SRBD1: variants seen among roughly 807,000 people sequenced by gnomAD.
SRBD1 encodes the protein S1 RNA binding domain 1.
In SRBD1, 88 loss-of-function variants were observed where a neutral mutation model predicts 115.3. The ratio of observed to expected loss-of-function variants is 0.76; its 90% CI spans 0.64 to 0.91. The LOEUF (loss-of-function observed/expected upper bound fraction) is 0.91, where lower values mean the gene tolerates loss of function less well. Among genes scored for constraint, SRBD1 ranks in the 40% least tolerant of loss-of-function variants. SRBD1 has a pLI of 0.00. For missense variants in SRBD1, 1,385 were observed against 1,177.4 expected, an observed-to-expected ratio of 1.18 and a Z score of -2.58; for synonymous variants, 509 against 407.7, an observed-to-expected ratio of 1.25 and a Z score of -2.99.
At chr2:45,440,856 C>T (rs894339722) in intron 16 of SRBD1, among the ~76,000 whole-genome samples, 2 of 152,024 alleles carry the variant, frequency 1.3e-5, no homozygotes, top group African/African-American at 4.8e-5. Flanking sequence ...AGGCATCCTC[C>T]TGGTGTTCAG....
rs557965215 is a variant in SRBD1, at chr2:45,420,511, C to A, written c.2050-617G>T. On this transcript the variant is annotated intron_variant, in intron 16 of 20. Coordinates refer to ENST00000263736, the MANE Select transcript of SRBD1 (RefSeq NM_018079.5). ...AACCATGACACATGCTTTCTTACTGCTTACATTTTTTATTTATTTGTTAAA... is the reference window on the plus strand; with the variant it reads ...AACCATGACACATGCTTTCTTACTGATTACATTTTTTATTTATTTGTTAAA... Among the ~76,000 whole-genome samples the A allele has an allele frequency of 2.6e-5, 4 of 152,268 alleles. No individual in the cohort carries two copies. The East Asian group carries it at 7.7e-4, about 29-fold the overall frequency.
chr2:45,426,848 C>T (rs1045869288), intron 16 of SRBD1, among the ~76,000 whole-genome samples: 2 of 152,134 alleles, frequency 1.3e-5, no homozygotes, highest in African/African-American at 4.8e-5. Flanking sequence ...CCGAAGGTCA[C>T]CAACATCAAA....
In SRBD1 at chr2:45,585,757, A is replaced by C. The variant is rs1673501031; in HGVS notation, c.666T>G (p.Thr222=). The part of the protein sequence containing the change: ...WDMVQVLSER[T]NIEPWVCANI... ...TGGCACAAACCCAAGGTTCAATATT[A>C]GTTCTCTCAGATAAAACCTGCAAAT... Residue 222 remains threonine, a synonymous_variant, in exon 5 of 21, where the codon ACT becomes ACG. Transcript: ENST00000263736. The C allele has an allele frequency of 1.3e-6, 2 of 1,598,466 alleles. No individual in the cohort carries two copies. Among genetic ancestry groups the C allele is most frequent in the Non-Finnish European group, 1.7e-6 (2 of 1,176,326 alleles).
intron 1 of SRBD1, among the ~76,000 whole-genome samples, chr2:45,610,163 TAATTTGGAG>T (rs1674400102): frequency 6.6e-6 from 1 of 152,092 alleles, no homozygotes. Context: ...TCCAAACCAA[TAATTTGGAG>T]GTTGCTATGA....
chr2:45,453,346 T>G lies in SRBD1; in HGVS notation c.2049+23647A>C, dbSNP rs1470277976. ...AGAATGCTTGTCAATCATGACAGAC[T>G]CCTTGGTGGCCCCTCCAGAGTTAAG... On this transcript the variant is annotated intron_variant, in intron 16 of 20. Coordinates refer to ENST00000263736, the MANE Select transcript of SRBD1 (RefSeq NM_018079.5). Among the ~76,000 whole-genome samples, 3 of 151,764 alleles carry G rather than the reference T, an allele frequency of 2.0e-5. No homozygotes were observed. The East Asian group carries it at 5.8e-4, about 29-fold the overall frequency.
chr2:45,578,002 T>A (rs1160331463), intron 7 of SRBD1, among the ~76,000 whole-genome samples: 1 of 152,122 alleles, frequency 6.6e-6, no homozygotes, highest in Non-Finnish European at 1.5e-5. Flanking sequence ...TCACCAAGTG[T>A]CCATTGTCAT....
At chr2:45,462,909 C>T (rs558713817) in intron 16 of SRBD1, among the ~76,000 whole-genome samples, 4 of 149,458 alleles carry the variant, frequency 2.7e-5, no homozygotes, top group Admixed American at 6.7e-5. Context: ...TTGTTCAAAA[C>T]GACAACACAT....
chr2:45,572,822 TA>T (rs1326653645), intron 9 of SRBD1, among the ~76,000 whole-genome samples: 9 of 152,114 alleles, frequency 5.9e-5, no homozygotes, highest in Non-Finnish European at 1.0e-4. Flanking sequence ...CTGATTTATA[TA>T]AGTAAATGAG....
At chr2:45,543,427 C>CA (rs1405320454) in intron 14 of SRBD1, among the ~76,000 whole-genome samples, 1 of 152,080 alleles carries the variant, frequency 6.6e-6, no homozygotes, top group Non-Finnish European at 1.5e-5. Flanking sequence ...CATGTCAGGG[C>CA]AAAGAGTGTT....
At chr2:45,521,803 C>T (rs746944539) in intron 14 of SRBD1, among the ~76,000 whole-genome samples, 7 of 151,842 alleles carry the variant, frequency 4.6e-5, no homozygotes, top group Non-Finnish European at 1.0e-4. Context: ...CCTGTCTCCA[C>T]AAAACAATTT....
At position 45,407,163 on chromosome 2, in the gene SRBD1, A is replaced by G. The variant is rs115425426; in HGVS notation, c.2513+5951T>C. On this transcript the variant is annotated intron_variant, in intron 19 of 20. Coordinates refer to ENST00000263736, the MANE Select transcript of SRBD1 (RefSeq NM_018079.5). ...CTGAAGAAGTGGGAATAATAATAGTACCAACCTCACAGGGTTGCTGTGTGA... is the reference window on the plus strand; with the variant it reads ...CTGAAGAAGTGGGAATAATAATAGTGCCAACCTCACAGGGTTGCTGTGTGA... Among the ~76,000 whole-genome samples, 563 of 152,278 alleles carry G rather than the reference A, an allele frequency of 3.7e-3. 10 individuals are homozygous for G. Among genetic ancestry groups the G allele is most frequent in the African/African-American group, 0.013 (537 of 41,558 alleles).
At chr2:45,608,345 C>T (rs1235496334) in intron 1 of SRBD1, among the ~76,000 whole-genome samples, 1 of 152,108 alleles carries the variant, frequency 6.6e-6, no homozygotes, top group Admixed American at 6.5e-5. Context: ...ACACACAAGC[C>T]AATTTCAAGC....
At chr2:45,550,820 T>C (rs1191407953) in intron 12 of SRBD1, among the ~76,000 whole-genome samples, 1 of 152,190 alleles carries the variant, frequency 6.6e-6, no homozygotes, top group African/African-American at 2.4e-5. Context: ...GCATCATATA[T>C]AAATGCATCA....
intron 16 of SRBD1, among the ~76,000 whole-genome samples, chr2:45,457,445 C>T (rs530882566): frequency 6.6e-6 from 1 of 152,018 alleles, no homozygotes; most frequent in East Asian, 1.9e-4. Flanking sequence ...AGAATACATG[C>T]ACAGCTGTGC....
At chr2:45,482,645 CAAACCCAT>C (rs1670001810) in intron 15 of SRBD1, among the ~76,000 whole-genome samples, 1 of 141,824 alleles carries the variant, frequency 7.1e-6, no homozygotes. Context: ...CACACACACA[CAAACCCAT>C]GAATAATAAA....
At chr2:45,589,467 G>C (rs1673645806) in intron 4 of SRBD1, among the ~76,000 whole-genome samples, 1 of 152,204 alleles carries the variant, frequency 6.6e-6, no homozygotes, top group African/African-American at 2.4e-5. Context: ...CTGAAAGACA[G>C]AGATGACAGG....
At chr2:45,553,936 T>C (rs755807835) in intron 10 of SRBD1, among the ~76,000 whole-genome samples, 8 of 152,308 alleles carry the variant, frequency 5.3e-5, no homozygotes, top group South Asian at 2.1e-4. Flanking sequence ...CTAGTAACTA[T>C]CTATGGTCAG....
intron 14 of SRBD1, among the ~76,000 whole-genome samples, chr2:45,499,369 A>G (rs1670556705): frequency 6.6e-6 from 1 of 152,012 alleles, no homozygotes; most frequent in African/African-American, 2.4e-5. Context: ...TTTGCTATTG[A>G]GCTGTTTCAC....
chr2:45,414,404 C>T (rs1385767237), intron 18 of SRBD1, among the ~76,000 whole-genome samples: 1 of 148,594 alleles, frequency 6.7e-6, no homozygotes, highest in Non-Finnish European at 1.5e-5. Flanking sequence ...AATATATATA[C>T]ATTATGTGTA....
Sources: allele counts gnomAD v4.1 joint callset (sites outside exome capture counted in the v4.1 genomes callset), GRCh38; gene constraint gnomAD v4.1.1; transcripts MANE v1.5; gene names NCBI Gene and HGNC (gene_info 2026-07-23, HGNC 2026-07-21).